Variants in NALF1 observed in about 807,000 individuals in gnomAD.
NALF1 encodes the protein family with sequence similarity 155 member A.
In NALF1, 3 loss-of-function variants were observed where a neutral mutation model predicts 48.4. That is an observed-to-expected ratio of 0.06 (90% CI 0.03 to 0.16). The LOEUF (loss-of-function observed/expected upper bound fraction) is 0.16, where lower values mean the gene tolerates loss of function less well. Ranked by LOEUF, NALF1 falls within the 10% of genes least tolerant of loss-of-function variation. The pLI is 1.00. For synonymous variants in NALF1, 262 were observed against 245.7 expected (o/e 1.07, Z -0.62); for missense variants, 526 against 571.5 (o/e 0.92, Z 0.81).
chr13:107,618,339 A>G (rs1879434234), intron 1 of NALF1, among the ~76,000 whole-genome samples: 1 of 152,218 alleles, frequency 6.6e-6, no homozygotes, highest in South Asian at 2.1e-4. Flanking sequence ...CTGTGGCTGC[A>G]GTGTTGTGAG....
chr13:107,471,766 A>C (rs1052241393), intron 1 of NALF1, among the ~76,000 whole-genome samples: 1 of 152,192 alleles, frequency 6.6e-6, no homozygotes, highest in Non-Finnish European at 1.5e-5. Context: ...ATGAAAATAT[A>C]AGATAAGTAC....
chr13:107,684,310 G>A (rs955296602), intron 1 of NALF1, among the ~76,000 whole-genome samples: 1 of 152,192 alleles, frequency 6.6e-6, no homozygotes, highest in Non-Finnish European at 1.5e-5. Flanking sequence ...CACTCCCTGT[G>A]TAAATGTGAA....
At chr13:107,458,569 C>T (rs1360023239) in intron 1 of NALF1, among the ~76,000 whole-genome samples, 3 of 152,168 alleles carry the variant, frequency 2.0e-5, no homozygotes, top group South Asian at 2.1e-4. Flanking sequence ...TGATGGGAAA[C>T]GAGAGAGAAG....
chr13:107,691,385 G>C (rs1881564086), intron 1 of NALF1, among the ~76,000 whole-genome samples: 1 of 152,166 alleles, frequency 6.6e-6, no homozygotes, highest in Non-Finnish European at 1.5e-5. Context: ...GCAGCCCTAG[G>C]AAACTGATAA....
At chr13:107,396,132 A>C (rs1883707666) in intron 1 of NALF1, among the ~76,000 whole-genome samples, 1 of 152,048 alleles carries the variant, frequency 6.6e-6, no homozygotes, top group Admixed American at 6.6e-5. Flanking sequence ...GCACTTTCTC[A>C]CTGTGTCCTC....
intron 1 of NALF1, among the ~76,000 whole-genome samples, chr13:107,777,344 TAAAG>T (rs1877765128): frequency 6.6e-6 from 1 of 152,098 alleles, no homozygotes; most frequent in South Asian, 2.1e-4. Flanking sequence ...TAGCTAAGTA[TAAAG>T]AAAGGCAGAT....
chr13:107,741,444 C>T (rs536272511), intron 1 of NALF1, among the ~76,000 whole-genome samples: 3 of 152,170 alleles, frequency 2.0e-5, no homozygotes, highest in Non-Finnish European at 4.4e-5. Flanking sequence ...ATAAGAAATG[C>T]CTACTGAGTA....
chr13:107,609,070 CCTTTT>C (rs1277670365), intron 1 of NALF1, among the ~76,000 whole-genome samples: 1 of 152,110 alleles, frequency 6.6e-6, no homozygotes, highest in Non-Finnish European at 1.5e-5. Context: ...AAGAAGACTA[CCTTTT>C]CTTTTCCCCC....
intron 1 of NALF1, among the ~76,000 whole-genome samples, chr13:107,602,812 C>T (rs1878965652): frequency 6.6e-6 from 1 of 152,144 alleles, no homozygotes; most frequent in African/African-American, 2.4e-5. Context: ...CTTGCAGGAC[C>T]AATAAGCATA....
At chr13:107,226,231 T>C (rs1293380926) in intron 1 of NALF1, among the ~76,000 whole-genome samples, 1 of 152,090 alleles carries the variant, frequency 6.6e-6, no homozygotes, top group Non-Finnish European at 1.5e-5. Context: ...AAGCCAATTG[T>C]ATGTTATGGA....
At chr13:107,302,750 C>T (rs1372325312) in intron 1 of NALF1, among the ~76,000 whole-genome samples, 1 of 152,212 alleles carries the variant, frequency 6.6e-6, no homozygotes, top group Non-Finnish European at 1.5e-5. Context: ...ACTAATGTGC[C>T]TGCCAGGGCA....
intron 1 of NALF1, among the ~76,000 whole-genome samples, chr13:107,598,110 T>C (rs756638368): frequency 2.6e-5 from 4 of 152,156 alleles, no homozygotes; most frequent in Non-Finnish European, 5.9e-5. Context: ...TAGGTTAGTA[T>C]TTTGCTCTCT....
intron 1 of NALF1, among the ~76,000 whole-genome samples, chr13:107,431,117 C>G (rs1884374080): frequency 6.6e-6 from 1 of 152,132 alleles, no homozygotes; most frequent in South Asian, 2.1e-4. Context: ...AGTGTCTGTT[C>G]ATGTTCTTTG....
At chr13:107,336,182 T>G (rs567078400) in intron 1 of NALF1, among the ~76,000 whole-genome samples, 1 of 152,084 alleles carries the variant, frequency 6.6e-6, no homozygotes, top group African/African-American at 2.4e-5. Flanking sequence ...TGAAACACTG[T>G]CCTCTATCAA....
chr13:107,615,621 C>T (rs529314422), intron 1 of NALF1, among the ~76,000 whole-genome samples: 7 of 152,290 alleles, frequency 4.6e-5, no homozygotes, highest in African/African-American at 1.4e-4. Flanking sequence ...TCTGAACCAG[C>T]TTCATTAACA....
intron 1 of NALF1, among the ~76,000 whole-genome samples, chr13:107,561,810 T>C (rs188158284): frequency 6.6e-5 from 10 of 152,324 alleles, no homozygotes; most frequent in Admixed American, 5.2e-4. Context: ...AAACCTGTGT[T>C]TGCATAACTG....
intron 1 of NALF1, among the ~76,000 whole-genome samples, chr13:107,743,789 A>G (rs1031558726): frequency 2.6e-5 from 4 of 152,208 alleles, no homozygotes; most frequent in Non-Finnish European, 5.9e-5. Context: ...GATAGGTTAT[A>G]CAGGAACTGT....
intron 1 of NALF1, among the ~76,000 whole-genome samples, chr13:107,526,577 T>C (rs1423205662): frequency 6.6e-6 from 1 of 152,148 alleles, no homozygotes; most frequent in Admixed American, 6.6e-5. Flanking sequence ...AAGGTTACTG[T>C]AGAAGGACGA....
intron 1 of NALF1, among the ~76,000 whole-genome samples, chr13:107,245,199 T>G (rs1594087003): frequency 6.6e-6 from 1 of 152,294 alleles, no homozygotes; most frequent in East Asian, 1.9e-4. Flanking sequence ...AACACTACTT[T>G]TTTGCTTTAT....
Sources: gnomAD v4.1 joint callset for allele counts (sites outside exome capture counted in the v4.1 genomes callset) on GRCh38, gnomAD v4.1.1 for gene constraint, MANE v1.5 for transcripts, NCBI Gene and HGNC (gene_info 2026-07-23, HGNC 2026-07-21) for gene names.